PRKAR1A: variants seen among roughly 807,000 people sequenced by gnomAD.
The protein encoded by PRKAR1A is protein kinase cAMP-dependent type I regulatory subunit alpha.
A neutral mutation model predicts 52.0 loss-of-function variants in PRKAR1A; 3 were observed. The ratio of observed to expected loss-of-function variants is 0.06; its 90% CI spans 0.03 to 0.15. PRKAR1A has a LOEUF of 0.15. Ranked by LOEUF, PRKAR1A falls within the 10% of genes least tolerant of loss-of-function variation. The probability of loss-of-function intolerance (pLI) is 1.00; values close to 1 mark genes in which losing one functional copy is unlikely to be tolerated. For missense variants in PRKAR1A, 240 were observed against 477.4 expected (o/e 0.50, Z 4.63); for synonymous variants, 188 against 168.4 (o/e 1.12, Z -0.90).
At chr17:68,522,384 CA>C (rs966693268) in intron 2 of PRKAR1A, among the ~76,000 whole-genome samples, 5 of 152,198 alleles carry the variant, frequency 3.3e-5, no homozygotes, top group Admixed American at 2.0e-4. Context: ...CAGTAGCATC[CA>C]AAAAAACCCA....
At chr17:68,522,649 A>G (rs2085652599) in intron 2 of PRKAR1A, 107 bp from the exon 3 acceptor site, 1 of 1,255,256 alleles carries the variant, frequency 8.0e-7, no homozygotes, top group Non-Finnish European at 1.1e-6. Flanking sequence ...TACATTGTTA[A>G]TGGAAGAAGA....
chr17:68,439,199 T>G, the PRKAR1A span, among the ~76,000 whole-genome samples: 50,241 of 152,102 alleles, frequency 0.33, 8,805 homozygotes, highest in Middle Eastern at 0.46. Context: ...CATGGCAGCA[T>G]TATTCATAAG....
At chr17:68,509,250 G>A (rs978412352), upstream of PRKAR1A, among the ~76,000 whole-genome samples, 11 of 152,110 alleles carry the variant, frequency 7.2e-5, no homozygotes, top group African/African-American at 4.8e-5. Flanking sequence ...GCAGTGGTGC[G>A]ATCATGGCTC....
the PRKAR1A span, among the ~76,000 whole-genome samples, chr17:68,466,270 T>G: frequency 1.3e-5 from 2 of 152,164 alleles, no homozygotes; most frequent in Non-Finnish European, 1.5e-5. Context: ...GGATTTTTGT[T>G]TCTGCTGATG....
intron 2 of PRKAR1A, among the ~76,000 whole-genome samples, chr17:68,519,661 A>C (rs932448429): frequency 6.6e-6 from 1 of 152,038 alleles, no homozygotes; most frequent in Non-Finnish European, 1.5e-5. Flanking sequence ...ACCTTCAACT[A>C]CTCCATAAGA....
chr17:68,488,351 A>G, the PRKAR1A span, among the ~76,000 whole-genome samples: 1 of 152,138 alleles, frequency 6.6e-6, no homozygotes, highest in African/African-American at 2.4e-5. Flanking sequence ...TCCCATATAT[A>G]CAACCTGATT....
chr17:68,434,533 T>C, the PRKAR1A span: 56 of 1,612,954 alleles, frequency 3.5e-5, no homozygotes, highest in African/African-American at 5.6e-4. Flanking sequence ...GACTTTAAAA[T>C]GGGTTTGACA....
the PRKAR1A span, among the ~76,000 whole-genome samples, chr17:68,441,884 G>T: frequency 6.6e-6 from 1 of 152,192 alleles, no homozygotes; most frequent in East Asian, 1.9e-4. Flanking sequence ...GGTCTAAAAA[G>T]ACACAGTTTG....
the PRKAR1A span, among the ~76,000 whole-genome samples, chr17:68,489,757 C>T: frequency 2.0e-5 from 3 of 151,584 alleles, no homozygotes; most frequent in East Asian, 1.9e-4. Flanking sequence ...GGTTTCGCCA[C>T]GTTGGCCAGC....
At chr17:68,428,228 GTT>G in the PRKAR1A span, 3 of 135,942 alleles carry the variant, frequency 2.2e-5, no homozygotes, top group Non-Finnish European at 3.2e-5. Context: ...CAGGGAATAG[GTT>G]TTTTTTTTTT....
intron 11 of PRKAR1A, among the ~76,000 whole-genome samples, chr17:68,548,709 C>T (rs898905494): frequency 1.0e-4 from 15 of 146,970 alleles, no homozygotes; most frequent in African/African-American, 2.8e-4. Flanking sequence ...GCAGATACAG[C>T]GAGCTATGCC....
the PRKAR1A span, chr17:68,450,975 C>T: frequency 9.2e-6 from 14 of 1,516,802 alleles, no homozygotes; most frequent in East Asian, 7.0e-5. Context: ...ACACTGGGCC[C>T]GGCGCAGGCC....
intron 11 of PRKAR1A, chr17:68,540,465 G>C (rs917063911): frequency 8.5e-6 from 4 of 469,206 alleles, no homozygotes; most frequent in Admixed American, 4.7e-5. Flanking sequence ...GGCCTGGAAG[G>C]TGGAATTACT....
At chr17:68,457,598 C>T in the PRKAR1A span, 5 of 389,308 alleles carry the variant, frequency 1.3e-5, no homozygotes, top group East Asian at 2.1e-4. Flanking sequence ...CCCGTCCCCG[C>T]CGCGTCCCCG....
chr17:68,450,623 G>C, the PRKAR1A span: 1 of 1,419,302 alleles, frequency 7.0e-7, no homozygotes, highest in African/African-American at 1.4e-5. Context: ...ATTCTCATTA[G>C]AATTGGAAGC....
At chr17:68,524,115 A>G in intron 5 of PRKAR1A, 38 bp downstream of exon 5, 2 of 1,605,240 alleles carry the variant, frequency 1.2e-6, no homozygotes, top group Non-Finnish European at 1.7e-6. Flanking sequence ...GTTACGGGAG[A>G]GGAGGCGAGA....
At chr17:68,449,452 C>T in the PRKAR1A span, among the ~76,000 whole-genome samples, 1 of 152,172 alleles carries the variant, frequency 6.6e-6, no homozygotes, top group African/African-American at 2.4e-5. Flanking sequence ...TGGGGAAACA[C>T]TGTAATATGA....
the PRKAR1A span, among the ~76,000 whole-genome samples, chr17:68,436,814 T>C: frequency 6.6e-6 from 1 of 151,952 alleles, no homozygotes; most frequent in African/African-American, 2.4e-5. Flanking sequence ...CTGGCCAACA[T>C]GGTGAAACCC....
At chr17:68,493,820 C>A in the PRKAR1A span, 1 of 152,122 alleles carries the variant, frequency 6.6e-6, no homozygotes, top group Non-Finnish European at 1.5e-5. Flanking sequence ...TCTTGAACTC[C>A]TGACCTCATG....
Sources: gnomAD v4.1 joint callset for allele counts (sites outside exome capture counted in the v4.1 genomes callset) on GRCh38, gnomAD v4.1.1 for gene constraint, MANE v1.5 for transcripts, NCBI Gene and HGNC (gene_info 2026-07-23, HGNC 2026-07-21) for gene names.